Variants in CNOT3 observed in about 807,000 individuals in gnomAD.
The protein encoded by CNOT3 is CCR4-NOT transcription complex subunit 3.
In CNOT3, 2 loss-of-function variants were observed where a neutral mutation model predicts 89.4. The observed-to-expected ratio is 0.02, with a 90% CI of 0.01 to 0.07. The LOEUF is 0.07. Ranked by LOEUF, CNOT3 falls within the 10% of genes least tolerant of loss-of-function variation. The pLI, the probability that CNOT3 is intolerant of heterozygous loss-of-function variation, is 1.00. For missense variants in CNOT3, 664 were observed against 1,010.2 expected (o/e 0.66, Z 4.65); for synonymous variants, 486 against 402.0 (o/e 1.21, Z -2.50).
chr19:54,140,353 T>C (rs112102407), intron 1 of CNOT3, among the ~76,000 whole-genome samples: 6 of 152,178 alleles, frequency 3.9e-5, no homozygotes, highest in African/African-American at 1.4e-4. Context: ...CTCAGTGCTC[T>C]TGGAGAGCCT....
rs2075270852 is a variant in CNOT3 at position 54,153,699 on chromosome 19, A to C, written c.2038-16A>C. On this transcript the variant is annotated splice_polypyrimidine_tract_variant and intron_variant, in intron 16 of 17. Coordinates refer to ENST00000221232, the MANE Select transcript of CNOT3 (RefSeq NM_014516.4). ...TGGGGGCCCCCTGATCCCCCTCTCCACTGTTCCTCCCCCAGGGCACTAAGG... is the reference window on the plus strand; with the variant it reads ...TGGGGGCCCCCTGATCCCCCTCTCCCCTGTTCCTCCCCCAGGGCACTAAGG... 3 of 1,611,006 alleles carry C rather than the reference A, an allele frequency of 1.9e-6. No homozygotes were observed. In the African/African-American group the frequency reaches 4.0e-5, roughly 22 times the overall value.
In CNOT3 at chr19:54,137,872, C is replaced by T. The variant is rs904461431; in HGVS notation, c.-172C>T. ...AACCCCGGGCCCACTCCCCCAACCC[C>T]ACTTCCGCTTCGCGCCGCTATCGCG... On this transcript the variant is annotated 5_prime_UTR_variant, in exon 1 of 18. Coordinates refer to ENST00000221232, the MANE Select transcript of CNOT3 (RefSeq NM_014516.4). The T allele has an allele frequency of 6.6e-6, 1 of 152,110 alleles. No homozygotes were observed. Among genetic ancestry groups the T allele is most frequent in the Non-Finnish European group, 1.5e-5 (1 of 67,982 alleles). 9.4% of individuals were successfully genotyped at this position (152,110 alleles called of 1,614,324 possible).
Position 54,143,115 on chromosome 19 carries a change from C to T in CNOT3, c.26-4C>T. On this transcript the variant is annotated splice_polypyrimidine_tract_variant and splice_region_variant and intron_variant, in intron 2 of 17. Transcript: ENST00000221232. Reference sequence around the variant, plus strand: ...TTCTCACAGCCTTGTTCCTCCCTGGCCAGGTGAGATTGATCGCTGCCTCAA... The same window carrying T: ...TTCTCACAGCCTTGTTCCTCCCTGGTCAGGTGAGATTGATCGCTGCCTCAA... 6.2e-7 allele frequency: 1 copy of T among 1,613,906 alleles called. No homozygotes were observed. Among genetic ancestry groups the T allele is most frequent in the Non-Finnish European group, 8.5e-7 (1 of 1,179,878 alleles).
At chr19:54,155,157 G>T in intron 17 of CNOT3, 152 bp from the exon 18 acceptor site, 2 of 777,644 alleles carry the variant, frequency 2.6e-6, no homozygotes, top group South Asian at 1.8e-5. Flanking sequence ...GAAGAACCTT[G>T]TGAGGATGGA....
rs1158552349 is a variant in CNOT3 at position 54,149,556 on chromosome 19, C to G, written c.1407-4C>G. ...CAACCCCCTCTTCCATGCTCTCTCT[C>G]CAGGAAGGAACCCAGTGCGGCAGCC... On this transcript the variant is annotated splice_polypyrimidine_tract_variant and splice_region_variant and intron_variant, in intron 12 of 17. Transcript: ENST00000221232. 4 of 1,570,048 alleles carry G rather than the reference C, an allele frequency of 2.5e-6. No homozygotes were observed. Among genetic ancestry groups the G allele is most frequent in the Non-Finnish European group, 3.5e-6 (4 of 1,157,050 alleles).
In CNOT3 at chr19:54,155,313, C is replaced by G; in HGVS notation, c.2168C>G (p.Thr723Ser). The G allele has an allele frequency of 6.2e-7, 1 of 1,613,248 alleles. No individual in the cohort carries two copies. Among genetic ancestry groups the G allele is most frequent in the Non-Finnish European group, 8.5e-7 (1 of 1,179,574 alleles). ...ACCGCCTTCTCCCCCGGCCAGGGCACCTACATCTACTTTGACTACGAGAAG... is the reference window on the plus strand; with the variant it reads ...ACCGCCTTCTCCCCCGGCCAGGGCAGCTACATCTACTTTGACTACGAGAAG... ...KTITDEFEQG[T>S]YIYFDYEKWG... Residue 723 changes from threonine to serine, a missense_variant, in exon 18 of 18, where the codon ACC (threonine) becomes AGC (serine). Transcript: ENST00000221232.
At position 54,139,279 on chromosome 19, in the gene CNOT3, G is replaced by A. The variant is rs377210767; in HGVS notation, c.-51+1286G>A. On this transcript the variant is annotated intron_variant, in intron 1 of 17. Coordinates refer to ENST00000221232, the MANE Select transcript of CNOT3 (RefSeq NM_014516.4). ...TCACACCAGTCTCCTCCTTTAGGGT[G>A]TCAGCTCTCCAAGGACCAAGAAGCC... Among the ~76,000 whole-genome samples the A allele has an allele frequency of 4.6e-5, 7 of 152,244 alleles. No individual in the cohort carries two copies. The East Asian group carries it at 1.2e-3, about 25-fold the overall frequency.
At position 54,144,197 on chromosome 19, in the gene CNOT3, A is replaced by G. The variant is rs1422560775; in HGVS notation, c.388-40A>G. ...ATCCTGAGCCCTGGGTGTAGGCGGA[A>G]CCCTAGCTGATGGGCTTCCTCTTCC... On this transcript the variant is annotated intron_variant, in intron 6 of 17. Transcript: ENST00000221232. The surrounding 1 kb of genome is among the most constrained non-coding windows in gnomAD (Gnocchi z 4.8). The G allele has an allele frequency of 6.2e-7, 1 of 1,613,238 alleles. No individual in the cohort carries two copies. The highest frequency in any genetic ancestry group is 1.3e-5 in the African/African-American group (1 of 74,810).
rs1395228698 is a variant in CNOT3, at chr19:54,155,297, T to TCC, written c.2164-8_2164-7dup. The TCC allele has an allele frequency of 1.9e-6, 3 of 1,612,458 alleles. No homozygotes were observed. Among genetic ancestry groups the TCC allele is most frequent in the Non-Finnish European group, 1.7e-6 (2 of 1,179,534 alleles). ...CCTCGTCCACTCACTGACCGCCTTC[T>TCC]CCCCCGGCCAGGGCACCTACATCTA... On this transcript the variant is annotated splice_polypyrimidine_tract_variant and intron_variant, in intron 17 of 17. Coordinates refer to ENST00000221232, the MANE Select transcript of CNOT3 (RefSeq NM_014516.4).
intron 17 of CNOT3, 141 bp from the exon 18 acceptor site, chr19:54,155,168 T>C (rs1410614620): frequency 7.0e-6 from 6 of 862,352 alleles, no homozygotes; most frequent in African/African-American, 1.7e-5. Context: ...TGAGGATGGA[T>C]GAGAGTGTGT....
In CNOT3 at chr19:54,148,286, G is replaced by A. The variant is rs199960898; in HGVS notation, c.1033G>A (p.Ala345Thr). 1.3e-5 allele frequency: 21 copies of A among 1,607,652 alleles called. No homozygotes were observed. The highest frequency in any genetic ancestry group is 1.7e-4 in the Middle Eastern group (1 of 6,056). The change falls in exon 11 of 18, where the codon GCC becomes ACC. Residue 345 changes from alanine to threonine, a missense_variant. Physicochemically the swap from Ala to Thr is moderately conservative, Grantham distance 58 (BLOSUM62 0). Around this residue, in one of 8 missense-constraint regions of CNOT3, gnomAD observed 545 missense variants for 566.2 expected, o/e 0.96. Transcript: ENST00000221232. The surrounding 1 kb of genome is among the most constrained non-coding windows in gnomAD (Gnocchi z 6.3). Reference protein sequence around the residue: ...STTPGNNGVPAPAAPPSALGP... With the variant: ...STTPGNNGVPTPAAPPSALGP... ...CACTCCTGGCAACAATGGGGTCCCC[G>A]CCCCCGCAGCACCCCCAAGTGCCCT...
intron 12 of CNOT3, among the ~76,000 whole-genome samples, chr19:54,149,272 C>G (rs1300834216): frequency 2.6e-5 from 4 of 152,300 alleles, no homozygotes; most frequent in Middle Eastern, 3.4e-3. Flanking sequence ...CCTGTGAACA[C>G]CTGCCCAGGG....
intron 10 of CNOT3, among the ~76,000 whole-genome samples, chr19:54,146,896 G>A (rs952156300): frequency 1.3e-5 from 2 of 152,228 alleles, no homozygotes; most frequent in East Asian, 3.8e-4. Context: ...TGCTGCTGTG[G>A]AGTGCCCTGG....
rs2074654434 is a variant in CNOT3, at chr19:54,146,046, G to A, written c.837+3G>A. The A allele has an allele frequency of 6.2e-7, 1 of 1,612,420 alleles. No homozygotes were observed. Among genetic ancestry groups the A allele is most frequent in the African/African-American group, 1.3e-5 (1 of 74,900 alleles). ...CCAGCCCAGCCAACTGTACCACGGT[G>A]AGGCCCCACGGGACACTAGTACCTT... On this transcript the variant is annotated splice_donor_region_variant and intron_variant, in intron 9 of 17. Coordinates refer to ENST00000221232, the MANE Select transcript of CNOT3 (RefSeq NM_014516.4).
chr19:54,149,368 A>T (rs2074914292), intron 12 of CNOT3, among the ~76,000 whole-genome samples, 192 bp from the exon 13 acceptor site: 1 of 151,824 alleles, frequency 6.6e-6, no homozygotes, highest in Non-Finnish European at 1.5e-5. Context: ...CTGATGAGAA[A>T]CCATTCCAAA....
At position 54,146,790 on chromosome 19, in the gene CNOT3, GAGGGCAGGTGGGC is replaced by G. The variant is rs1427560351; in HGVS notation, c.894+140_894+152del. 9.9e-6 allele frequency: 7 copies of G among 703,586 alleles called. No individual in the cohort carries two copies. The East Asian group carries it at 1.3e-4, about 13-fold the overall frequency. The allele number at this position is 703,586 out of a possible 1,614,324, so 43.6% of individuals were successfully genotyped here. A position where few individuals can be genotyped will look rare whatever the true frequency, so the allele number is the denominator to read the frequency against. On this transcript the variant is annotated intron_variant, in intron 10 of 17. Transcript: ENST00000221232. ...GTGGCTCAGAAATCAGTGCTGCCCT[GAGGGCAGGTGGGC>G]AGGGCAAGTGGACAGGTGACTGGTG...
At chr19:54,152,686 G>C (rs1459628715) in intron 15 of CNOT3, 60 bp downstream of exon 15, 6 of 1,415,712 alleles carry the variant, frequency 4.2e-6, no homozygotes, top group Non-Finnish European at 6.0e-6. Context: ...GGAGGCAGTG[G>C]CTGAACCTGT....
Position 54,143,462 on chromosome 19 carries a change from G to A in CNOT3, c.114G>A (p.Ala38=), listed in dbSNP as rs148887462. 6.2e-4 allele frequency: 999 copies of A among 1,613,868 alleles called. 1 individual carries two copies. Among genetic ancestry groups the A allele is most frequent in the Non-Finnish European group, 7.7e-4 (911 of 1,180,016 alleles). ...IWQKLHNAAN[A]NQKEKYEADL... ...CTCAGCTCCACAATGCAGCCAACGC[G>A]AACCAGAAAGAAAAGTATGAGGCTG... The change falls in exon 4 of 18, where the codon GCG becomes GCA. Residue 38 remains alanine (A), a synonymous_variant. Coordinates refer to ENST00000221232, the MANE Select transcript of CNOT3 (RefSeq NM_014516.4).
In CNOT3 at chr19:54,148,835, C is replaced by G; in HGVS notation, c.1406+92C>G. 1 of 1,166,276 alleles carries G rather than the reference C, an allele frequency of 8.6e-7. No individual in the cohort carries two copies. The highest frequency in any genetic ancestry group is 1.2e-6 in the Non-Finnish European group (1 of 832,266). The allele number at this position is 1,166,276 out of a possible 1,614,324, so 72.2% of individuals were successfully genotyped here. A position where few individuals can be genotyped will look rare whatever the true frequency, so the allele number is the denominator to read the frequency against. On this transcript the variant is annotated intron_variant, in intron 12 of 17. Transcript: ENST00000221232. This position sits in a 1 kb window ranked among gnomAD's most constrained non-coding sequence, Gnocchi z 6.3. ...CACCCCCGCATCGGTGGGTTCTGAA[C>G]CCCCCGCCCTTGCTGCTGGGAATGG...
Sources: allele counts gnomAD v4.1 joint callset (sites outside exome capture counted in the v4.1 genomes callset), GRCh38; gene constraint gnomAD v4.1.1; regional missense constraint gnomAD v4.1.1; non-coding constraint Gnocchi (gnomAD v3.1); transcripts MANE v1.5; gene names NCBI Gene and HGNC (gene_info 2026-07-23, HGNC 2026-07-21).